The following SLC4A4 variants were observed in gnomAD, a reference collection of about 807,000 sequenced individuals.
SLC4A4 encodes electrogenic sodium bicarbonate cotransporter 1.
A neutral mutation model predicts 111.5 loss-of-function variants in SLC4A4; 27 were observed. The observed-to-expected ratio is 0.24, with a 90% CI of 0.18 to 0.33. SLC4A4 has a LOEUF of 0.33. SLC4A4 is among the 10% of genes least tolerant of loss of function. The probability of loss-of-function intolerance (pLI) is 1.00; values close to 1 mark genes in which losing one functional copy is unlikely to be tolerated. For missense variants in SLC4A4, 909 were observed against 1,315.5 expected, an observed-to-expected ratio of 0.69 and a Z score of 4.78; for synonymous variants, 443 against 463.4, an observed-to-expected ratio of 0.96 and a Z score of 0.57.
At chr4:71,271,932 A>G (rs1177522876) in intron 3 of SLC4A4, among the ~76,000 whole-genome samples, 1 of 152,216 alleles carries the variant, frequency 6.6e-6, no homozygotes, top group Admixed American at 6.5e-5. Context: ...CCATTTAATG[A>G]TAAGGAAACT....
At chr4:71,086,876 T>G (rs1742192706) in intron 1 of SLC4A4, among the ~76,000 whole-genome samples, 2 of 152,028 alleles carry the variant, frequency 1.3e-5, no homozygotes, top group African/African-American at 4.8e-5. Flanking sequence ...CTTTTTTTGT[T>G]GTGTCTCTGC....
chr4:71,495,517 T>C (rs1359731828), intron 15 of SLC4A4, among the ~76,000 whole-genome samples: 4 of 152,130 alleles, frequency 2.6e-5, no homozygotes, highest in Non-Finnish European at 5.9e-5. Context: ...TTCAGCTGTT[T>C]ACAAGTTGAA....
In SLC4A4 at chr4:71,360,524, T is replaced by C. The variant is rs144674389; in HGVS notation, c.730+3337T>C. Among the ~76,000 whole-genome samples the C allele has an allele frequency of 3.3e-3, 509 of 152,298 alleles. 10 individuals are homozygous for C. Among genetic ancestry groups the C allele is most frequent in the Admixed American group, 0.029 (444 of 15,292 alleles). Reference sequence around the variant, plus strand: ...TGATTTAGGAAAAGAGTCAGCCACATCACTGACAAATGGATGAAGTCTGAC... The same window carrying C: ...TGATTTAGGAAAAGAGTCAGCCACACCACTGACAAATGGATGAAGTCTGAC... On this transcript the variant is annotated intron_variant, in intron 6 of 25. Coordinates refer to ENST00000264485, the MANE Select transcript of SLC4A4 (RefSeq NM_001098484.3).
At chr4:71,446,949 T>C (rs17882610) in intron 8 of SLC4A4, among the ~76,000 whole-genome samples, 73,886 of 152,214 alleles carry the variant, frequency 0.49, 23,064 homozygotes, top group Non-Finnish European at 0.71. Context: ...GGGTTAAGTT[T>C]GTTATTGTAT....
chr4:71,164,358 G>C (rs1191602524), intron 2 of SLC4A4, among the ~76,000 whole-genome samples: 1 of 144,114 alleles, frequency 6.9e-6, no homozygotes, highest in Non-Finnish European at 1.5e-5. Flanking sequence ...CCAGCCTGGG[G>C]AACAGAGGGA....
chr4:71,274,856 A>G (rs1485051600), intron 3 of SLC4A4, among the ~76,000 whole-genome samples: 1 of 152,238 alleles, frequency 6.6e-6, no homozygotes, highest in African/African-American at 2.4e-5. Flanking sequence ...GTCATAAAAA[A>G]CTAGATAAAT....
chr4:71,302,886 A>G (rs922071875), intron 3 of SLC4A4, among the ~76,000 whole-genome samples: 4 of 152,210 alleles, frequency 2.6e-5, no homozygotes, highest in African/African-American at 7.2e-5. Context: ...CTACCCAAGT[A>G]TAGATTTTGG....
At chr4:71,269,832 G>C (rs544882966) in intron 3 of SLC4A4, among the ~76,000 whole-genome samples, 44 of 152,312 alleles carry the variant, frequency 2.9e-4, no homozygotes, top group Middle Eastern at 6.8e-3. Flanking sequence ...TTTGTGTTTA[G>C]ATCCCAGTAT....
chr4:71,486,166 T>G (rs535492356), intron 14 of SLC4A4, among the ~76,000 whole-genome samples: 3 of 151,548 alleles, frequency 2.0e-5, no homozygotes, highest in Non-Finnish European at 4.4e-5. Flanking sequence ...AGGAATATGC[T>G]CTAATAGTTT....
At chr4:71,283,793 C>T (rs1723709971) in intron 3 of SLC4A4, among the ~76,000 whole-genome samples, 1 of 152,194 alleles carries the variant, frequency 6.6e-6, no homozygotes, top group South Asian at 2.1e-4. Flanking sequence ...TAGGGAACTT[C>T]CCTGCAGAGT....
At chr4:71,462,200 T>C (rs1027855395) in intron 12 of SLC4A4, among the ~76,000 whole-genome samples, 2 of 152,198 alleles carry the variant, frequency 1.3e-5, no homozygotes, top group African/African-American at 4.8e-5. Context: ...ACTCTGTTCT[T>C]AGCTCTTTAC....
At chr4:71,120,011 T>G (rs1030553157) in intron 2 of SLC4A4, among the ~76,000 whole-genome samples, 2 of 152,230 alleles carry the variant, frequency 1.3e-5, no homozygotes, top group African/African-American at 4.8e-5. Context: ...CTGAAGATAT[T>G]TGCAAGCTTG....
chr4:71,314,199 T>A (rs1165671846), intron 3 of SLC4A4, among the ~76,000 whole-genome samples: 4 of 152,096 alleles, frequency 2.6e-5, no homozygotes, highest in African/African-American at 9.7e-5. Context: ...ATTAGAGAAA[T>A]GCAAATCAAA....
intron 2 of SLC4A4, among the ~76,000 whole-genome samples, chr4:71,121,214 C>T (rs1183919358): frequency 2.0e-5 from 3 of 151,666 alleles, no homozygotes; most frequent in Non-Finnish European, 4.4e-5. Context: ...CCCCCGCTTC[C>T]CTCCCCCCTC....
rs113507135 is a variant in SLC4A4, at chr4:71,316,022, T to C, written c.254-23348T>C. ...TTCTGCCTTTAAGAACAAGTTTAAATCATGAACTGCTTTATTTAGAGCCAG... is the reference window on the plus strand; with the variant it reads ...TTCTGCCTTTAAGAACAAGTTTAAACCATGAACTGCTTTATTTAGAGCCAG... On this transcript the variant is annotated intron_variant, in intron 3 of 25. Coordinates refer to ENST00000264485, the MANE Select transcript of SLC4A4 (RefSeq NM_001098484.3). Among the ~76,000 whole-genome samples, 1,083 of 152,266 alleles carry C rather than the reference T, an allele frequency of 7.1e-3. 18 individuals carry two copies. Among genetic ancestry groups the C allele is most frequent in the African/African-American group, 0.025 (1,040 of 41,562 alleles).
intron 7 of SLC4A4, among the ~76,000 whole-genome samples, chr4:71,429,282 T>C (rs1723434566): frequency 1.3e-5 from 2 of 152,108 alleles, no homozygotes; most frequent in African/African-American, 4.8e-5. Context: ...AAAATAGCTA[T>C]GTGTGATGCA....
chr4:71,314,347 A>T (rs914227241), intron 3 of SLC4A4, among the ~76,000 whole-genome samples: 1 of 152,158 alleles, frequency 6.6e-6, no homozygotes, highest in African/African-American at 2.4e-5. Flanking sequence ...TCCACTGTGG[A>T]AGATGGTGTG....
chr4:71,178,245 C>T (rs1578555071), intron 2 of SLC4A4, among the ~76,000 whole-genome samples: 1 of 151,820 alleles, frequency 6.6e-6, no homozygotes, highest in Non-Finnish European at 1.5e-5. Context: ...CTAAAATTGA[C>T]ACCCTAATGT....
At position 71,568,651 on chromosome 4, in the gene SLC4A4, G is replaced by T. The variant is rs1737705246; in HGVS notation, c.*900G>T. The T allele has an allele frequency of 6.6e-6, 1 of 151,948 alleles. No homozygotes were observed. The highest frequency in any genetic ancestry group is 2.4e-5 in the African/African-American group (1 of 41,340). The allele number at this position is 151,948 out of a possible 1,614,324, so 9.4% of individuals were successfully genotyped here. On this transcript the variant is annotated 3_prime_UTR_variant, in exon 26 of 26. Transcript: ENST00000264485. ...AAAACTTTTTTTTAATTACTGTAAAGAAAATGAATTTTTTCCTGCAGCAGG... is the reference window on the plus strand; with the variant it reads ...AAAACTTTTTTTTAATTACTGTAAATAAAATGAATTTTTTCCTGCAGCAGG...
Sources: allele counts gnomAD v4.1 joint callset (sites outside exome capture counted in the v4.1 genomes callset), GRCh38; gene constraint gnomAD v4.1.1; transcripts MANE v1.5; gene names NCBI Gene and HGNC (gene_info 2026-07-23, HGNC 2026-07-21).